Variants in FBXO10 observed in about 807,000 individuals in gnomAD.
FBXO10 encodes F-box only protein 10.
Under a neutral mutation model 80.7 loss-of-function variants are expected in FBXO10, and 39 were observed. The observed-to-expected ratio is 0.48, with a 90% CI of 0.37 to 0.63. FBXO10 has a LOEUF of 0.63. Ranked by LOEUF, FBXO10 falls within the 30% of genes least tolerant of loss-of-function variation. FBXO10 has a pLI of 0.00. For synonymous variants in FBXO10, 449 were observed against 489.6 expected, an observed-to-expected ratio of 0.92 and a Z score of 1.09; for missense variants, 1,025 against 1,269.0, an observed-to-expected ratio of 0.81 and a Z score of 2.92.
chr9:37,545,690 C>T (rs1822038840), intron 1 of FBXO10, among the ~76,000 whole-genome samples: 1 of 152,218 alleles, frequency 6.6e-6, no homozygotes, highest in South Asian at 2.1e-4. Context: ...ATAACAAAAA[C>T]TCAACATCAT....
chr9:37,518,161 G>A lies in FBXO10; in HGVS notation c.2478C>T (p.Gly826=), dbSNP rs753523555. 6.2e-7 allele frequency: 1 copy of A among 1,613,998 alleles called. No individual in the cohort carries two copies. Among genetic ancestry groups the A allele is most frequent in the Non-Finnish European group, 8.5e-7 (1 of 1,179,860 alleles). ...ACCTGGGCAGCAGCTGCAGCCCGCT[G>A]CCCCGGTTGCCAATGATATCGTTTT... is the stretch of plus-strand genomic sequence containing the variant. ...VIENDIIGNR[G]SGLQLLPRSD... Residue 826 remains glycine (G), a synonymous_variant, in exon 9 of 11, where the codon GGC becomes GGT. Transcript: ENST00000432825.
Position 37,512,686 on chromosome 9 carries a change from C to G in FBXO10, c.2732G>C (p.Arg911Pro). The G allele has an allele frequency of 6.2e-7, 1 of 1,613,932 alleles. No homozygotes were observed. The highest frequency in any genetic ancestry group is 8.5e-7 in the Non-Finnish European group (1 of 1,179,856). Residue 911 changes from arginine (R) to proline (P), a missense_variant, in exon 11 of 11, where the codon CGG (arginine) becomes CCG (proline). Physicochemically the swap from Arg to Pro is moderately radical, Grantham distance 103 (BLOSUM62 -2). Transcript: ENST00000432825. ...DTWRLVNPPA[R>P]PHLENSLRRP... ...TCTGAGAGAATTTTCAAGGTGGGGC[C>G]GTGCTGGTGGGTTCACCAGGCGCCA...
chr9:37,560,303 G>A (rs1356215408), intron 1 of FBXO10, among the ~76,000 whole-genome samples: 1 of 152,304 alleles, frequency 6.6e-6, no homozygotes, highest in Middle Eastern at 3.4e-3. Context: ...CAAGCCACCT[G>A]ACGTAGAAAC....
At chr9:37,536,725 C>T (rs1458930529) in intron 3 of FBXO10, among the ~76,000 whole-genome samples, 1 of 152,156 alleles carries the variant, frequency 6.6e-6, no homozygotes, top group Non-Finnish European at 1.5e-5. Flanking sequence ...TCCTCAACAA[C>T]CCTACTCCAG....
At chr9:37,539,586 C>CA (rs1251439752) in intron 2 of FBXO10, among the ~76,000 whole-genome samples, 1 of 152,158 alleles carries the variant, frequency 6.6e-6, no homozygotes, top group Non-Finnish European at 1.5e-5. Context: ...AAATGTATTA[C>CA]AAAATGTGAA....
At chr9:37,546,416 G>T (rs1205907626) in intron 1 of FBXO10, among the ~76,000 whole-genome samples, 1 of 152,142 alleles carries the variant, frequency 6.6e-6, no homozygotes. Flanking sequence ...CACATGTACA[G>T]GGCAAGACTT....
At chr9:37,560,868 C>T (rs935357306) in intron 1 of FBXO10, among the ~76,000 whole-genome samples, 1 of 152,058 alleles carries the variant, frequency 6.6e-6, no homozygotes, top group Non-Finnish European at 1.5e-5. Flanking sequence ...TTTTGCTGGG[C>T]GCGGTGGCTC....
At chr9:37,555,674 C>G (rs1404263776) in intron 1 of FBXO10, among the ~76,000 whole-genome samples, 1 of 151,682 alleles carries the variant, frequency 6.6e-6, no homozygotes, top group African/African-American at 2.4e-5. Flanking sequence ...AGCCACTGCG[C>G]CTGGTCCTTT....
At chr9:37,557,605 T>C (rs963022951) in intron 1 of FBXO10, among the ~76,000 whole-genome samples, 1 of 152,238 alleles carries the variant, frequency 6.6e-6, no homozygotes, top group Non-Finnish European at 1.5e-5. Flanking sequence ...GTACTCTGAA[T>C]TCAGTGACTT....
chr9:37,574,446 A>T (rs950494588), intron 1 of FBXO10, among the ~76,000 whole-genome samples: 1 of 152,218 alleles, frequency 6.6e-6, no homozygotes, highest in Non-Finnish European at 1.5e-5. Flanking sequence ...AACCAAAATG[A>T]TGGCACTATG....
intron 1 of FBXO10, among the ~76,000 whole-genome samples, chr9:37,556,617 C>T (rs1238146227): frequency 2.8e-5 from 4 of 142,240 alleles, no homozygotes; most frequent in Non-Finnish European, 6.0e-5. Flanking sequence ...AATCTCGGCT[C>T]ACTGCAACTT....
At chr9:37,523,126 C>G in intron 6 of FBXO10, 149 bp from the exon 7 acceptor site, 1 of 866,724 alleles carries the variant, frequency 1.2e-6, no homozygotes, top group Non-Finnish European at 1.7e-6. Flanking sequence ...ATCTTGTCTG[C>G]TGTCTGATGT....
At chr9:37,532,164 T>G in intron 3 of FBXO10, 106 bp from the exon 4 acceptor site, 2 of 1,285,460 alleles carry the variant, frequency 1.6e-6, no homozygotes, top group Non-Finnish European at 2.1e-6. Flanking sequence ...CCATGCAGTT[T>G]ACCCCGTAGG....
At chr9:37,547,284 T>C (rs1325251999) in intron 1 of FBXO10, among the ~76,000 whole-genome samples, 1 of 152,166 alleles carries the variant, frequency 6.6e-6, no homozygotes, top group Non-Finnish European at 1.5e-5. Flanking sequence ...AGAACATGTA[T>C]GAACCTCAAA....
chr9:37,532,913 A>C (rs1281212582), intron 3 of FBXO10, among the ~76,000 whole-genome samples: 1 of 152,224 alleles, frequency 6.6e-6, no homozygotes, highest in East Asian at 1.9e-4. Flanking sequence ...CGGCACGGAC[A>C]GTAAGGTACC....
At chr9:37,544,704 G>A (rs1445774450) in intron 1 of FBXO10, among the ~76,000 whole-genome samples, 1 of 151,994 alleles carries the variant, frequency 6.6e-6, no homozygotes, top group Admixed American at 6.6e-5. Context: ...TTTACTAAGA[G>A]AGAAAAGCGG....
At chr9:37,551,415 A>G (rs1417422011) in intron 1 of FBXO10, among the ~76,000 whole-genome samples, 1 of 152,210 alleles carries the variant, frequency 6.6e-6, no homozygotes, top group African/African-American at 2.4e-5. Flanking sequence ...GGCTCCCTGC[A>G]GCATCCTTTG....
intron 10 of FBXO10, 90 bp downstream of exon 10, chr9:37,515,814 G>A: frequency 2.2e-6 from 3 of 1,384,562 alleles, no homozygotes; most frequent in Non-Finnish European, 3.0e-6. Context: ...AGGGAGCCCG[G>A]GCAGCCACAA....
chr9:37,537,355 G>T lies in FBXO10; in HGVS notation c.1174C>A (p.Pro392Thr). 6.2e-7 allele frequency: 1 copy of T among 1,601,158 alleles called. No homozygotes were observed. The highest frequency in any genetic ancestry group is 8.5e-7 in the Non-Finnish European group (1 of 1,173,332). Residue 392 changes from proline (P) to threonine (T), a missense_variant, in exon 3 of 11, where the codon CCA (proline) becomes ACA (threonine). Around this residue, in one of 3 missense-constraint regions of FBXO10, gnomAD observed 450 missense variants for 499.4 expected, o/e 0.90. Transcript: ENST00000432825. ...RPVLGGSFLGPPLPGASIQLP... is the reference protein window; with the variant it reads ...RPVLGGSFLGTPLPGASIQLP... ...TGAATGGATGCTCCTGGTAGAGGTG[G>T]GCCCAGAAATGAGCCCCCCAATACA...
Sources: gnomAD v4.1 joint callset for allele counts (sites outside exome capture counted in the v4.1 genomes callset) on GRCh38, gnomAD v4.1.1 for gene constraint, gnomAD v4.1.1 regional missense constraint, MANE v1.5 for transcripts, NCBI Gene and HGNC (gene_info 2026-07-23, HGNC 2026-07-21) for gene names.